Variants in NBAS observed in about 807,000 individuals in gnomAD.
The protein encoded by NBAS is NBAS subunit of NRZ tethering complex, also known as NAG/BC035112 fusion.
A neutral mutation model predicts 302.5 loss-of-function variants in NBAS; 219 were observed. The ratio of observed to expected loss-of-function variants is 0.72; its 90% CI spans 0.65 to 0.81. NBAS has a LOEUF of 0.81. NBAS is among the 30% of genes least tolerant of loss of function. NBAS has a pLI of 0.00. For missense variants in NBAS, 2,932 were observed against 2,841.6 expected, an observed-to-expected ratio of 1.03 and a Z score of -0.72; for synonymous variants, 1,118 against 1,021.6, an observed-to-expected ratio of 1.09 and a Z score of -1.80.
chr2:14,989,779 A>G, the NBAS span, among the ~76,000 whole-genome samples: 149 of 152,340 alleles, frequency 9.8e-4, no homozygotes, highest in African/African-American at 3.5e-3. Context: ...CTAAATGTCC[A>G]ACAGCTGGGT....
intron 12 of NBAS, 58 bp downstream of exon 12, chr2:15,488,835 AT>A (rs1241538746): frequency 1.9e-6 from 3 of 1,596,256 alleles, no homozygotes; most frequent in Non-Finnish European, 2.6e-6. Context: ...ATAAAATAAA[AT>A]TAGTATTGTC....
At chr2:15,338,046 G>C (rs1158636890) in intron 35 of NBAS, among the ~76,000 whole-genome samples, 1 of 152,150 alleles carries the variant, frequency 6.6e-6, no homozygotes, top group East Asian at 1.9e-4. Context: ...AGCTTATTAA[G>C]CACTAATAAT....
chr2:14,975,937 T>C, the NBAS span, among the ~76,000 whole-genome samples: 1 of 152,224 alleles, frequency 6.6e-6, no homozygotes. Flanking sequence ...ACATGCCCTC[T>C]GACAATGATG....
At chr2:15,390,907 G>GT (rs1232648179) in intron 28 of NBAS, among the ~76,000 whole-genome samples, 1 of 152,066 alleles carries the variant, frequency 6.6e-6, no homozygotes, top group Non-Finnish European at 1.5e-5. Context: ...CAGGTCAGGA[G>GT]TTTGAGACCA....
intron 48 of NBAS, among the ~76,000 whole-genome samples, chr2:15,203,890 T>TGCTTGTGTG (rs1666009557): frequency 7.7e-5 from 10 of 129,460 alleles, no homozygotes; most frequent in African/African-American, 2.8e-4. Flanking sequence ...GTGTGTGTGC[T>TGCTTGTGTG]TGTGTGTGTG....
chr2:15,317,792 G>A (rs1282279449), intron 38 of NBAS, among the ~76,000 whole-genome samples: 6 of 152,176 alleles, frequency 3.9e-5, no homozygotes, highest in African/African-American at 7.2e-5. Flanking sequence ...TGAAAGTGAC[G>A]GGGAGAATGG....
chr2:15,468,129 CT>C (rs1679803576), intron 17 of NBAS, among the ~76,000 whole-genome samples: 1 of 141,638 alleles, frequency 7.1e-6, no homozygotes, highest in African/African-American at 2.6e-5. Context: ...ATCACTTCTA[CT>C]TAAGGTCTTC....
At chr2:15,391,405 TAATG>T (rs1675597855) in intron 28 of NBAS, among the ~76,000 whole-genome samples, 1 of 150,568 alleles carries the variant, frequency 6.6e-6, no homozygotes, top group South Asian at 2.1e-4. Flanking sequence ...ATGAAAAATA[TAATG>T]AATGTACAAA....
chr2:15,369,059 G>A (rs547034455), intron 31 of NBAS, among the ~76,000 whole-genome samples: 12 of 152,156 alleles, frequency 7.9e-5, no homozygotes, highest in African/African-American at 2.9e-4. Context: ...TATTTTATGG[G>A]GCTTTTTCCA....
chr2:15,513,467 T>TA (rs1662236763), intron 9 of NBAS, among the ~76,000 whole-genome samples: 1 of 152,134 alleles, frequency 6.6e-6, no homozygotes, highest in Non-Finnish European at 1.5e-5. Context: ...CTAGTGCAGA[T>TA]AAAATCATAT....
the NBAS span, among the ~76,000 whole-genome samples, chr2:15,117,354 C>G: frequency 6.6e-6 from 1 of 152,106 alleles, no homozygotes; most frequent in African/African-American, 2.4e-5. Flanking sequence ...CCACTTTCAC[C>G]GCCTATCCAT....
intron 44 of NBAS, among the ~76,000 whole-genome samples, chr2:15,244,727 G>A (rs1668013085): frequency 6.6e-6 from 1 of 152,188 alleles, no homozygotes; most frequent in Non-Finnish European, 1.5e-5. Context: ...TCCCTGGAGG[G>A]ACTAGGACCC....
chr2:15,060,210 G>A, the NBAS span, among the ~76,000 whole-genome samples: 1 of 152,102 alleles, frequency 6.6e-6, no homozygotes, highest in Non-Finnish European at 1.5e-5. Flanking sequence ...AGCATAAAAT[G>A]AGATGTGGAC....
chr2:15,431,181 AG>A (rs1271169224), intron 21 of NBAS, among the ~76,000 whole-genome samples: 1 of 152,216 alleles, frequency 6.6e-6, no homozygotes, highest in Non-Finnish European at 1.5e-5. Flanking sequence ...GCATATCAAA[AG>A]ATACATTTAA....
chr2:15,318,142 C>G (rs915701704), intron 38 of NBAS, among the ~76,000 whole-genome samples: 2 of 152,186 alleles, frequency 1.3e-5, no homozygotes, highest in South Asian at 2.1e-4. Context: ...CATATCCAGA[C>G]AAACCAAGCT....
the NBAS span, among the ~76,000 whole-genome samples, chr2:14,944,856 A>G: frequency 6.6e-6 from 1 of 152,088 alleles, no homozygotes; most frequent in East Asian, 1.9e-4. Flanking sequence ...CACAGTTTCT[A>G]TACCGGAAAT....
At chr2:15,429,915 A>G (rs1016641463) in intron 21 of NBAS, among the ~76,000 whole-genome samples, 1 of 152,198 alleles carries the variant, frequency 6.6e-6, no homozygotes, top group African/African-American at 2.4e-5. Flanking sequence ...AGATCACTGA[A>G]AAGTAAAAAA....
At chr2:14,914,448 G>A in the NBAS span, among the ~76,000 whole-genome samples, 1 of 152,210 alleles carries the variant, frequency 6.6e-6, no homozygotes, top group Admixed American at 6.5e-5. Context: ...TCTGCAGAAG[G>A]ATGTGATTGG....
At chr2:14,787,423 T>A in the NBAS span, among the ~76,000 whole-genome samples, 4 of 152,308 alleles carry the variant, frequency 2.6e-5, no homozygotes, top group South Asian at 8.3e-4. Flanking sequence ...GCCTCGATGG[T>A]CTTTACAATT....
Sources: gnomAD v4.1 joint callset for allele counts (sites outside exome capture counted in the v4.1 genomes callset) on GRCh38, gnomAD v4.1.1 for gene constraint, MANE v1.5 for transcripts, NCBI Gene and HGNC (gene_info 2026-07-23, HGNC 2026-07-21) for gene names.